Variants in FLT1 observed in about 807,000 individuals in gnomAD.
FLT1 encodes fms related receptor tyrosine kinase 1, also known as vascular endothelial growth factor receptor 1.
Under a neutral mutation model 156.3 loss-of-function variants are expected in FLT1, and 49 were observed. That is an observed-to-expected ratio of 0.31 (90% CI 0.25 to 0.40). The LOEUF is 0.40. Ranked by LOEUF, FLT1 falls within the 10% of genes least tolerant of loss-of-function variation. The pLI is 1.00. For missense variants in FLT1, 1,322 were observed against 1,637.2 expected (o/e 0.81, Z 3.32); for synonymous variants, 594 against 583.8 (o/e 1.02, Z -0.25).
chr13:28,327,591 A>G (rs1156802191), intron 19 of FLT1, 41 bp from the exon 20 acceptor site: 1 of 1,364,768 alleles, frequency 7.3e-7, no homozygotes, highest in South Asian at 1.2e-5. Flanking sequence ...AGCCACACCA[A>G]GCCAGTCAGC....
At chr13:28,413,169 G>A (rs1248817490) in intron 10 of FLT1, among the ~76,000 whole-genome samples, 1 of 152,174 alleles carries the variant, frequency 6.6e-6, no homozygotes, top group Non-Finnish European at 1.5e-5. Context: ...GACAATGGTG[G>A]AGGGGATCCA....
intron 14 of FLT1, chr13:28,368,540 TATGATGATG>T (rs138306957): frequency 1.5e-5 from 23 of 1,535,744 alleles, no homozygotes; most frequent in Non-Finnish European, 1.8e-5. Context: ...AAATGGTAGC[TATGATGATG>T]ATGATGATGA....
intron 13 of FLT1, 67 bp from the exon 14 acceptor site, chr13:28,385,098 A>G: frequency 6.7e-7 from 1 of 1,502,122 alleles, no homozygotes; most frequent in South Asian, 1.1e-5. Flanking sequence ...TATGCATATC[A>G]ACATTTAAAA....
Position 28,331,411 on chromosome 13 carries a change from T to G in FLT1, c.2594-1683A>C, listed in dbSNP as rs192415210. Reference sequence around the variant, plus strand: ...CTCAAGGACACTTTGAAAGAGCTTTTGACTTATGGCCTTTGTTTCACTTTA... The same window carrying G: ...CTCAAGGACACTTTGAAAGAGCTTTGGACTTATGGCCTTTGTTTCACTTTA... On this transcript the variant is annotated intron_variant, in intron 18 of 29. Transcript: ENST00000282397. Among the ~76,000 whole-genome samples, 613 of 152,328 alleles carry G rather than the reference T, an allele frequency of 4.0e-3. 5 individuals carry two copies. Among genetic ancestry groups the G allele is most frequent in the African/African-American group, 0.014 (588 of 41,574 alleles).
chr13:28,460,080 T>A (rs1879481020), intron 3 of FLT1, among the ~76,000 whole-genome samples: 1 of 152,210 alleles, frequency 6.6e-6, no homozygotes, highest in Non-Finnish European at 1.5e-5. Flanking sequence ...TCTGGCAGAT[T>A]GGGCAACAAA....
rs2296189 is a variant in FLT1, at chr13:28,319,505, A to C, written c.3204T>G (p.Pro1068=). The change falls in exon 24 of 30, where the codon CCT becomes CCG. Residue 1068 remains proline (P), a synonymous_variant. Transcript: ENST00000282397. Reference sequence around the variant, plus strand: ...TGTAGATTTTGTCAAAGATAGATTCAGGAGCCATCCATTTCAGAGGAAGTC... The same window carrying C: ...TGTAGATTTTGTCAAAGATAGATTCCGGAGCCATCCATTTCAGAGGAAGTC... ...DTRLPLKWMA[P]ESIFDKIYST... 17 of 1,613,268 alleles carry C rather than the reference A, an allele frequency of 1.1e-5. No individual in the cohort carries two copies. In the South Asian group the frequency reaches 1.2e-4, roughly 11 times the overall value.
intron 10 of FLT1, among the ~76,000 whole-genome samples, chr13:28,412,350 C>CTTTTCTTTCTTTCTTTCTTTT (rs71086853): frequency 1.1e-5 from 1 of 93,708 alleles, no homozygotes; most frequent in Non-Finnish European, 2.3e-5. Flanking sequence ...TTCTTTCTTT[C>CTTTTCTTTCTTTCTTTCTTTT]TCTTTCTTTC....
intron 14 of FLT1, among the ~76,000 whole-genome samples, chr13:28,384,517 T>G (rs1874238605): frequency 6.6e-6 from 1 of 151,484 alleles, no homozygotes; most frequent in African/African-American, 2.4e-5. Context: ...ACTTCACATA[T>G]GCCAGGTGTT....
intron 23 of FLT1, 88 bp downstream of exon 23, chr13:28,321,375 A>C: frequency 8.4e-6 from 12 of 1,434,236 alleles, no homozygotes; most frequent in Non-Finnish European, 1.2e-5. Flanking sequence ...TTCAGGGACT[A>C]CAGCTGAGGA....
At chr13:28,471,714 C>T (rs899248626) in intron 1 of FLT1, among the ~76,000 whole-genome samples, 1 of 152,088 alleles carries the variant, frequency 6.6e-6, no homozygotes, top group Non-Finnish European at 1.5e-5. Flanking sequence ...ATCTCAGATG[C>T]AGATGAGAAC....
chr13:28,357,456 C>T (rs975505709), intron 15 of FLT1, 98 bp downstream of exon 15: 1 of 1,250,314 alleles, frequency 8.0e-7, no homozygotes, highest in Non-Finnish European at 1.2e-6. Flanking sequence ...AAGGAACAGA[C>T]TGGAGCAGGC....
intron 2 of FLT1, 42 bp from the exon 3 acceptor site, chr13:28,467,171 GC>G: frequency 2.7e-6 from 4 of 1,470,664 alleles, no homozygotes; most frequent in Non-Finnish European, 3.8e-6. Flanking sequence ...TTATGGCTGG[GC>G]CCTAGGCTCA....
intron 25 of FLT1, among the ~76,000 whole-genome samples, chr13:28,312,480 A>G (rs1017306459): frequency 2.0e-5 from 3 of 152,092 alleles, no homozygotes; most frequent in Non-Finnish European, 2.9e-5. Flanking sequence ...TCCTCCCCAC[A>G]CTTACAGAAG....
chr13:28,422,681 T>C (rs1877079523), intron 10 of FLT1, among the ~76,000 whole-genome samples: 2 of 152,144 alleles, frequency 1.3e-5, no homozygotes, highest in South Asian at 4.1e-4. Context: ...CACCATCCCG[T>C]TTGTGGGGAA....
chr13:28,338,512 C>T (rs910609086), intron 17 of FLT1, among the ~76,000 whole-genome samples: 12 of 152,186 alleles, frequency 7.9e-5, no homozygotes, highest in African/African-American at 1.2e-4. Context: ...CGGGAAAGCA[C>T]ATTTGCCTGC....
chr13:28,418,384 C>T (rs1248188725), intron 10 of FLT1, among the ~76,000 whole-genome samples: 1 of 152,192 alleles, frequency 6.6e-6, no homozygotes, highest in Non-Finnish European at 1.5e-5. Context: ...TCTAACTCAA[C>T]AGATGGGTCA....
At chr13:28,481,778 C>T (rs918861981) in intron 1 of FLT1, among the ~76,000 whole-genome samples, 4 of 152,198 alleles carry the variant, frequency 2.6e-5, no homozygotes, top group African/African-American at 9.7e-5. Flanking sequence ...AGATCTCCTG[C>T]AAACTATGTA....
intron 11 of FLT1, 97 bp downstream of exon 11, chr13:28,405,683 A>G: frequency 1.3e-6 from 1 of 781,130 alleles, no homozygotes. Flanking sequence ...TTTTGTTTGA[A>G]CATTTAAATT....
chr13:28,389,196 C>T (rs1874551066), intron 13 of FLT1: 22 of 1,091,788 alleles, frequency 2.0e-5, no homozygotes, highest in Non-Finnish European at 2.4e-5. Flanking sequence ...ACTTGCTATC[C>T]AGGTGCTATT....
Sources: allele counts gnomAD v4.1 joint callset (sites outside exome capture counted in the v4.1 genomes callset), GRCh38; gene constraint gnomAD v4.1.1; transcripts MANE v1.5; gene names NCBI Gene and HGNC (gene_info 2026-07-23, HGNC 2026-07-21).